Variants in ADGRL2 observed in about 807,000 individuals in gnomAD.
ADGRL2 encodes the protein calcium-independent alpha-latrotoxin receptor 2.
In ADGRL2, 44 loss-of-function variants were observed where a neutral mutation model predicts 157.4. The ratio of observed to expected loss-of-function variants is 0.28; its 90% CI spans 0.22 to 0.36. The LOEUF (loss-of-function observed/expected upper bound fraction) is 0.36. Ranked by LOEUF, ADGRL2 falls within the 10% of genes least tolerant of loss-of-function variation. The pLI is 1.00. For missense variants in ADGRL2, 1,510 were observed against 1,768.9 expected (o/e 0.85, Z 2.63); for synonymous variants, 585 against 624.7 (o/e 0.94, Z 0.95).
At chr1:81,885,556 A>G (rs2094109203) in intron 2 of ADGRL2, among the ~76,000 whole-genome samples, 1 of 152,184 alleles carries the variant, frequency 6.6e-6, no homozygotes, top group Admixed American at 6.5e-5. Flanking sequence ...CAGCATTTGT[A>G]TCGTCGCATG....
intron 3 of ADGRL2, among the ~76,000 whole-genome samples, chr1:81,594,710 TA>T (rs2081198927): frequency 1.3e-5 from 2 of 152,328 alleles, no homozygotes; most frequent in African/African-American, 4.8e-5. Context: ...AAAATCCATT[TA>T]AAAAATTAGA....
At chr1:81,581,369 A>C (rs955441236) in intron 3 of ADGRL2, among the ~76,000 whole-genome samples, 3 of 152,182 alleles carry the variant, frequency 2.0e-5, no homozygotes, top group Non-Finnish European at 4.4e-5. Flanking sequence ...AGTTTCTTTA[A>C]GCGGGAAAAT....
At chr1:81,557,521 GAA>G (rs1314523100) in intron 2 of ADGRL2, 1 of 151,144 alleles carries the variant, frequency 6.6e-6, no homozygotes, top group Admixed American at 6.6e-5. Context: ...AAGAAAGAAA[GAA>G]AGAGAAGAAA....
chr1:81,403,358 G>A (rs570982951), intron 1 of ADGRL2, among the ~76,000 whole-genome samples: 11 of 151,888 alleles, frequency 7.2e-5, no homozygotes, highest in African/African-American at 1.9e-4. Flanking sequence ...TCCTCCTCTC[G>A]GGCTCAAGAG....
chr1:81,809,241 G>A (rs1412121545), intron 1 of ADGRL2, among the ~76,000 whole-genome samples: 1 of 151,846 alleles, frequency 6.6e-6, no homozygotes, highest in East Asian at 1.9e-4. Context: ...CCTATTTAAG[G>A]CTAAAAAGTC....
rs561886692 is a variant in ADGRL2 at position 81,830,276 on chromosome 1, A to G, written c.-100-6609A>G. Among the ~76,000 whole-genome samples, 6 of 152,308 alleles carry G rather than the reference A, an allele frequency of 3.9e-5. No homozygotes were observed. In the South Asian group the frequency reaches 1.2e-3, roughly 32 times the overall value. On this transcript the variant is annotated intron_variant, in intron 1 of 23. Coordinates refer to ENST00000686636, the MANE Select transcript of ADGRL2 (RefSeq NM_001366006.2). ...CACTGGATATCCATTAAAAATGTGT[A>G]GGAAGTACTCACTGGATATTCATTG...
chr1:81,316,043 A>C (rs1660083094), intron 1 of ADGRL2, among the ~76,000 whole-genome samples: 1 of 151,982 alleles, frequency 6.6e-6, no homozygotes, highest in African/African-American at 2.4e-5. Context: ...CCTTGACTTA[A>C]AGGGAAATCT....
intron 1 of ADGRL2, chr1:81,426,679 C>T (rs1203054250): frequency 2.1e-6 from 1 of 469,862 alleles, no homozygotes; most frequent in Middle Eastern, 7.9e-4. Flanking sequence ...GAAAACGTTC[C>T]AGGGGGTTTG....
intron 1 of ADGRL2, among the ~76,000 whole-genome samples, chr1:81,707,796 C>A (rs543207138): frequency 6.6e-6 from 1 of 152,236 alleles, no homozygotes; most frequent in African/African-American, 2.4e-5. Context: ...TAGCCACCCA[C>A]AGCTCCTCTT....
At chr1:81,452,589 G>T (rs983300254) in intron 2 of ADGRL2, among the ~76,000 whole-genome samples, 3 of 152,082 alleles carry the variant, frequency 2.0e-5, no homozygotes, top group African/African-American at 7.2e-5. Context: ...TCAGTAAGAG[G>T]CAAAAATCTT....
chr1:81,539,879 CT>C (rs1324792813), intron 2 of ADGRL2, among the ~76,000 whole-genome samples: 1 of 151,274 alleles, frequency 6.6e-6, no homozygotes, highest in Non-Finnish European at 1.5e-5. Flanking sequence ...CAGACAATTT[CT>C]CTTACATCCC....
At chr1:81,675,108 C>G (rs548998420) in intron 3 of ADGRL2, among the ~76,000 whole-genome samples, 1 of 152,142 alleles carries the variant, frequency 6.6e-6, no homozygotes, top group African/African-American at 2.4e-5. Context: ...CACACTGAAA[C>G]GAAATAACAT....
chr1:81,771,810 G>A (rs186324266), intron 2 of ADGRL2, among the ~76,000 whole-genome samples: 1 of 152,274 alleles, frequency 6.6e-6, no homozygotes, highest in African/African-American at 2.4e-5. Context: ...AAAAGGGAGG[G>A]TAAGTGAGCA....
At chr1:81,780,228 A>T (rs2086757740) in intron 2 of ADGRL2, among the ~76,000 whole-genome samples, 1 of 152,194 alleles carries the variant, frequency 6.6e-6, no homozygotes, top group Non-Finnish European at 1.5e-5. Flanking sequence ...AATTAAAATA[A>T]ATTGGATTAA....
intron 3 of ADGRL2, among the ~76,000 whole-genome samples, chr1:81,692,504 ACT>A (rs1399151972): frequency 6.6e-6 from 1 of 152,150 alleles, no homozygotes; most frequent in Non-Finnish European, 1.5e-5. Context: ...TTTTTGAATT[ACT>A]GTTAGAATAA....
chr1:81,576,011 A>G (rs1429400701), intron 2 of ADGRL2, among the ~76,000 whole-genome samples: 1 of 152,148 alleles, frequency 6.6e-6, no homozygotes, highest in African/African-American at 2.4e-5. Flanking sequence ...CTCTTCTTCA[A>G]CAGATGAAAT....
rs539592390 is a variant in ADGRL2 at position 81,990,677 on chromosome 1, T to A, written c.3942T>A (p.Asp1314Glu). Reference sequence around the variant, plus strand: ...GTGAAGATGATGCTATTGTGGCAGATGCTTCATCTTTAATGCACAGCGACA... The same window carrying A: ...GTGAAGATGATGCTATTGTGGCAGAAGCTTCATCTTTAATGCACAGCGACA... ...SSSEDDAIVA[D>E]ASSLMHSDNP... Residue 1314 changes from aspartate to glutamate, a missense_variant, in exon 24 of 24, where the codon GAT (aspartate) becomes GAA (glutamate). Transcript: ENST00000686636. 1.2e-6 allele frequency: 2 copies of A among 1,614,112 alleles called. No homozygotes were observed. The highest frequency in any genetic ancestry group is 2.2e-5 in the South Asian group (2 of 91,080).
chr1:81,983,501 A>G (rs1464180185), intron 19 of ADGRL2, among the ~76,000 whole-genome samples: 2 of 152,022 alleles, frequency 1.3e-5, no homozygotes, highest in Non-Finnish European at 2.9e-5. Context: ...TTAATTTTCT[A>G]ATTTTGCAAG....
intron 1 of ADGRL2, among the ~76,000 whole-genome samples, chr1:81,376,813 G>A (rs941449331): frequency 1.3e-5 from 2 of 152,130 alleles, no homozygotes; most frequent in African/African-American, 4.8e-5. Context: ...TTGGAAGCTA[G>A]TGTGTTCAGG....
Sources: allele counts gnomAD v4.1 joint callset (sites outside exome capture counted in the v4.1 genomes callset), GRCh38; gene constraint gnomAD v4.1.1; transcripts MANE v1.5; gene names NCBI Gene and HGNC (gene_info 2026-07-23, HGNC 2026-07-21).